Variants in MEI1 observed in about 807,000 individuals in gnomAD.
MEI1 encodes meiotic double-stranded break formation protein 1.
A neutral mutation model predicts 146.2 loss-of-function variants in MEI1; 103 were observed. That is an observed-to-expected ratio of 0.70 (90% CI 0.60 to 0.83). MEI1 has a LOEUF of 0.83. Among genes scored for constraint, MEI1 ranks in the 40% least tolerant of loss-of-function variants. The pLI is 0.00. For missense variants in MEI1, 1,529 were observed against 1,533.0 expected (o/e 1.00, Z 0.04); for synonymous variants, 652 against 628.2 (o/e 1.04, Z -0.57).
At chr22:41,756,425 C>T (rs2050032) in intron 17 of MEI1, among the ~76,000 whole-genome samples, 99,588 of 151,860 alleles carry the variant, frequency 0.66, 35,713 homozygotes, top group East Asian at 0.94. Context: ...TGTGAGCCAC[C>T]GCACCTGGCC....
intron 11 of MEI1, among the ~76,000 whole-genome samples, chr22:41,733,630 C>G (rs906841949): frequency 6.6e-6 from 1 of 150,632 alleles, no homozygotes; most frequent in African/African-American, 2.4e-5. Context: ...TGCCTGTAGT[C>G]CCAGCTACTC....
chr22:41,753,912 T>C, intron 16 of MEI1, 37 bp from the exon 17 acceptor site: 2 of 1,416,566 alleles, frequency 1.4e-6, no homozygotes, highest in South Asian at 1.1e-5. Context: ...AAAGTAGCAA[T>C]GTCATCTCTT....
chr22:41,789,673 T>C (rs978229932), intron 26 of MEI1, among the ~76,000 whole-genome samples: 5 of 152,178 alleles, frequency 3.3e-5, no homozygotes, highest in African/African-American at 1.2e-4. Flanking sequence ...TCTACCATTT[T>C]ACTTGCTATC....
intron 7 of MEI1, among the ~76,000 whole-genome samples, chr22:41,724,349 G>A (rs577802838): frequency 2.0e-5 from 3 of 152,268 alleles, no homozygotes; most frequent in Admixed American, 6.5e-5. Flanking sequence ...GTTGGGCGTG[G>A]TGGCTCACGC....
chr22:41,747,618 C>T (rs953922508), intron 14 of MEI1, among the ~76,000 whole-genome samples: 2 of 151,942 alleles, frequency 1.3e-5, no homozygotes, highest in Admixed American at 6.6e-5. Flanking sequence ...GCAGGAGTAT[C>T]GCTTGAACCC....
chr22:41,742,130 T>A (rs1384669426), intron 11 of MEI1, among the ~76,000 whole-genome samples: 1 of 152,002 alleles, frequency 6.6e-6, no homozygotes, highest in African/African-American at 2.4e-5. Flanking sequence ...TGTAGTGGTG[T>A]GCGCCTGTAG....
At chr22:41,707,637 T>A (rs1021663114) in intron 3 of MEI1, among the ~76,000 whole-genome samples, 1 of 151,638 alleles carries the variant, frequency 6.6e-6, no homozygotes, top group African/African-American at 2.4e-5. Flanking sequence ...AGCAAGACTG[T>A]CTCTTAAAAA....
At chr22:41,716,704 T>C (rs1487801584) in intron 5 of MEI1, among the ~76,000 whole-genome samples, 14 of 87,216 alleles carry the variant, frequency 1.6e-4, no homozygotes, top group Admixed American at 3.5e-4. Flanking sequence ...TTTTTTTTTT[T>C]CCCTGAGACG....
chr22:41,778,133 C>T (rs1293953194), intron 21 of MEI1, among the ~76,000 whole-genome samples: 2 of 152,092 alleles, frequency 1.3e-5, no homozygotes, highest in African/African-American at 2.4e-5. Context: ...GGGTTATAGG[C>T]ATGTGCCAGC....
intron 4 of MEI1, among the ~76,000 whole-genome samples, 186 bp from the exon 5 acceptor site, chr22:41,715,855 A>C (rs1222226433): frequency 6.6e-6 from 1 of 152,222 alleles, no homozygotes; most frequent in African/African-American, 2.4e-5. Flanking sequence ...GAGAGGACTC[A>C]GTCCCTTTCC....
chr22:41,785,913 TTA>T (rs1421628208), intron 26 of MEI1, among the ~76,000 whole-genome samples: 89 of 108,928 alleles, frequency 8.2e-4, no homozygotes, highest in Non-Finnish European at 1.5e-3. Context: ...ATTTTTTATT[TTA>T]TTTTTTTTTT....
intron 30 of MEI1, among the ~76,000 whole-genome samples, chr22:41,796,438 C>T (rs916475067): frequency 4.0e-5 from 6 of 151,756 alleles, no homozygotes; most frequent in East Asian, 3.9e-4. Context: ...TTGCGATCTG[C>T]CCCCCTCGGC....
At chr22:41,753,303 C>T (rs532585819) in intron 16 of MEI1, among the ~76,000 whole-genome samples, 2 of 151,976 alleles carry the variant, frequency 1.3e-5, no homozygotes, top group South Asian at 4.2e-4. Flanking sequence ...TGGCTGGCCA[C>T]AAAAGTTTTG....
intron 22 of MEI1, among the ~76,000 whole-genome samples, chr22:41,780,674 G>A (rs904609424): frequency 4.0e-5 from 6 of 149,364 alleles, no homozygotes; most frequent in Admixed American, 2.0e-4. Context: ...TCTACCTCTC[G>A]GGCTCAGGCG....
In MEI1 at chr22:41,795,543, G is replaced by A. The variant is rs765280908; in HGVS notation, c.3666+1G>A. 6.2e-7 allele frequency: 1 copy of A among 1,613,836 alleles called. No homozygotes were observed. Among genetic ancestry groups the A allele is most frequent in the Non-Finnish European group, 8.5e-7 (1 of 1,179,850 alleles). ...GGCCCTGCATGGCTTCTTCCAGCAG[G>A]TGGGTGGGAAGGGGAGGCCATGCAG... On this transcript the variant is annotated splice_donor_variant, in intron 29 of 30. Transcript: ENST00000401548. LOFTEE classifies it high-confidence loss of function. The surrounding 1 kb of genome is among the most constrained non-coding windows in gnomAD (Gnocchi z 4.2).
chr22:41,785,762 G>T (rs1263616355), intron 26 of MEI1, among the ~76,000 whole-genome samples: 1 of 148,116 alleles, frequency 6.8e-6, no homozygotes, highest in Non-Finnish European at 1.5e-5. Context: ...CGGGGTTTCC[G>T]CATATTGGTC....
intron 6 of MEI1, among the ~76,000 whole-genome samples, chr22:41,723,695 C>T (rs73426929): frequency 0.017 from 2,649 of 152,214 alleles, 77 homozygotes; most frequent in African/African-American, 0.06. Flanking sequence ...GTGAGGCAGT[C>T]GGGCTATGTT....
At chr22:41,718,387 G>A (rs926351082) in intron 6 of MEI1, 113 bp downstream of exon 6, 40 of 928,110 alleles carry the variant, frequency 4.3e-5, no homozygotes, top group Non-Finnish European at 5.4e-5. Context: ...GCAAAAGGTA[G>A]AAGCCACAAG....
chr22:41,775,613 A>T (rs73163322), intron 20 of MEI1, among the ~76,000 whole-genome samples: 14,706 of 127,310 alleles, frequency 0.12, 906 homozygotes, highest in South Asian at 0.2. Context: ...TTTTTTTTTG[A>T]GACAGAGTTT....
Sources: gnomAD v4.1 joint callset for allele counts (sites outside exome capture counted in the v4.1 genomes callset) on GRCh38, gnomAD v4.1.1 for gene constraint, Gnocchi (gnomAD v3.1) non-coding constraint, MANE v1.5 for transcripts, NCBI Gene and HGNC (gene_info 2026-07-23, HGNC 2026-07-21) for gene names.